Variants in MROH1 observed in about 807,000 individuals in gnomAD.
The protein encoded by MROH1 is maestro heat like repeat family member 1.
In MROH1, 117 loss-of-function variants were observed where a neutral mutation model predicts 116.5. That is an observed-to-expected ratio of 1.00 (90% CI 0.86 to 1.17). The LOEUF is 1.17. Ranked by LOEUF, MROH1 falls within the 50% of genes most tolerant of loss-of-function variation. The probability of loss-of-function intolerance (pLI) is 0.00; values close to 1 mark genes in which losing one functional copy is unlikely to be tolerated. For missense variants in MROH1, 1,873 were observed against 1,338.5 expected, an observed-to-expected ratio of 1.40 and a Z score of -6.23; for synonymous variants, 921 against 583.9, an observed-to-expected ratio of 1.58 and a Z score of -8.32.
intron 2 of MROH1, 42 bp downstream of exon 2, chr8:144,161,131 C>T (rs1156332911): frequency 6.6e-6 from 1 of 152,562 alleles, no homozygotes; most frequent in Non-Finnish European, 1.5e-5. Flanking sequence ...CCCCGCTCTT[C>T]TGTCTCTTCT....
Position 144,260,940 on chromosome 8 carries a change from A to G in MROH1, c.4570A>G (p.Asn1524Asp). The change falls in exon 41 of 44, where the codon AAT becomes GAT. Residue 1524 changes from asparagine to aspartate, a missense_variant. Asn to Asp is a conservative substitution (Grantham distance 23, BLOSUM62 1). Transcript: ENST00000326134. ...GTTTGCCCTGCGCATGTGTGGCCCCAATCTGGCATGTGAGGAGCTCTCAGC... is the reference window on the plus strand; with the variant it reads ...GTTTGCCCTGCGCATGTGTGGCCCCGATCTGGCATGTGAGGAGCTCTCAGC... ...CRFALRMCGP[N>D]LACEELSAAF... 1.3e-6 allele frequency: 1 copy of G among 777,708 alleles called. No individual in the cohort carries two copies. The highest frequency in any genetic ancestry group is 2.4e-6 in the Non-Finnish European group (1 of 417,750). The allele number at this position is 777,708 out of a possible 1,614,324, so 48.2% of individuals were successfully genotyped here. A position where few individuals can be genotyped will look rare whatever the true frequency, so the allele number is the denominator to read the frequency against.
chr8:144,212,069 G>GTCGTTTTT (rs1554813777), intron 12 of MROH1, among the ~76,000 whole-genome samples: 2 of 47,780 alleles, frequency 4.2e-5, no homozygotes, highest in Non-Finnish European at 8.3e-5. Context: ...GAGAAGCTGT[G>GTCGTTTTT]TTGTTTTTTT....
chr8:144,192,323 C>T lies in MROH1; in HGVS notation c.870C>T (p.Ile290=). The T allele has an allele frequency of 1.3e-6, 2 of 1,596,090 alleles. No homozygotes were observed. The highest frequency in any genetic ancestry group is 1.7e-6 in the Non-Finnish European group (2 of 1,173,988). Residue 290 remains isoleucine (I), a synonymous_variant, in exon 10 of 44, where the codon ATC becomes ATT. Coordinates refer to ENST00000326134, the MANE Select transcript of MROH1 (RefSeq NM_032450.3). The stretch of plus-strand genomic sequence containing the variant: ...ACCCGGAGCAGAGCCTGGGCCAGAT[C>T]CTCGAGGCAGCTGTGAGTGTGGGCA... The part of the protein sequence containing the change: ...TFYLSKSLGQ[I]LEAAVSVGSR...
intron 7 of MROH1, 151 bp from the exon 8 acceptor site, chr8:144,190,633 T>G: frequency 1.2e-6 from 1 of 867,828 alleles, no homozygotes; most frequent in Non-Finnish European, 1.8e-6. Flanking sequence ...TTTCATCCTG[T>G]GTAGTCCTGG....
intron 7 of MROH1, among the ~76,000 whole-genome samples, chr8:144,184,502 C>G (rs755578335): frequency 3.0e-4 from 45 of 152,088 alleles, no homozygotes; most frequent in Non-Finnish European, 1.5e-4. Flanking sequence ...GGTAAAGAGG[C>G]GAAAGGGAGA....
intron 12 of MROH1, among the ~76,000 whole-genome samples, chr8:144,208,870 T>A (rs1213339970): frequency 6.6e-6 from 1 of 152,014 alleles, no homozygotes; most frequent in African/African-American, 2.4e-5. Context: ...ATTACAGGCA[T>A]GCACCACCAC....
chr8:144,168,566 C>CT, intron 4 of MROH1, 126 bp downstream of exon 4: 7 of 1,126,274 alleles, frequency 6.2e-6, no homozygotes, highest in Non-Finnish European at 2.5e-6. Flanking sequence ...GGCCACATGT[C>CT]TAACCCCCTC....
intron 4 of MROH1, among the ~76,000 whole-genome samples, chr8:144,177,373 G>T (rs1824272568): frequency 6.6e-6 from 1 of 152,256 alleles, no homozygotes; most frequent in African/African-American, 2.4e-5. Context: ...TCAAGTGGCT[G>T]GGTGTCAACT....
chr8:144,251,479 C>CA (rs1842835721), intron 33 of MROH1: 1 of 152,234 alleles, frequency 6.6e-6, no homozygotes, highest in Admixed American at 6.5e-5. Context: ...TTTCTCCACT[C>CA]AGTTTGTAAT....
In MROH1 at chr8:144,259,260, G is replaced by C; in HGVS notation, c.3950G>C (p.Gly1317Ala). The change falls in exon 37 of 44, where the codon GGG (glycine) becomes GCG (alanine). Residue 1317 changes from glycine (G) to alanine (A), a missense_variant. Gly to Ala is a moderately conservative substitution (Grantham distance 60). Transcript: ENST00000326134. ...CCCAGGGCCATGGCTGAGCACGCAG[G>C]GCCCCGACTCCCCCTGGTGCTGAAG... Reference protein sequence around the residue: ...RLARAMAEHAGPRLPLVLKTL... With the variant: ...RLARAMAEHAAPRLPLVLKTL... The C allele has an allele frequency of 1.4e-6, 1 of 714,432 alleles. No individual in the cohort carries two copies. Among genetic ancestry groups the C allele is most frequent in the Non-Finnish European group, 2.6e-6 (1 of 384,860 alleles). 44.3% of individuals were successfully genotyped at this position (714,432 alleles called of 1,614,324 possible).
chr8:144,202,313 A>G (rs1279253466), intron 12 of MROH1, among the ~76,000 whole-genome samples: 1 of 125,996 alleles, frequency 7.9e-6, no homozygotes, highest in African/African-American at 3.1e-5. Flanking sequence ...GAAGGCAGCG[A>G]CCCGCTCTGT....
At chr8:144,221,265 T>TC (rs1836680227) in intron 13 of MROH1, among the ~76,000 whole-genome samples, 2 of 152,150 alleles carry the variant, frequency 1.3e-5, no homozygotes, top group Admixed American at 1.3e-4. Context: ...GCCCGTAGCC[T>TC]CCACCTGTCA....
At position 144,255,713 on chromosome 8, in the gene MROH1, G is replaced by A; in HGVS notation, c.3791+8G>A. 1 of 748,444 alleles carries A rather than the reference G, an allele frequency of 1.3e-6. No homozygotes were observed. The highest frequency in any genetic ancestry group is 2.5e-6 in the Non-Finnish European group (1 of 402,556). 46.4% of individuals were successfully genotyped at this position (748,444 alleles called of 1,614,324 possible). A position where few individuals can be genotyped will look rare whatever the true frequency, so the allele number is the denominator to read the frequency against. ...GAACCTGGAACCCTGCAGGTATCTG[G>A]GTCCCCACTTCCCACCTCCAGTACT... On this transcript the variant is annotated splice_region_variant and intron_variant, in intron 35 of 43. Coordinates refer to ENST00000326134, the MANE Select transcript of MROH1 (RefSeq NM_032450.3).
chr8:144,215,233 A>G (rs895533080), intron 12 of MROH1, among the ~76,000 whole-genome samples: 1 of 152,262 alleles, frequency 6.6e-6, no homozygotes, highest in Non-Finnish European at 1.5e-5. Flanking sequence ...ATACAGGTTG[A>G]TTGTCTGTAA....
chr8:144,261,795 C>G lies in MROH1; in HGVS notation c.*55C>G, dbSNP rs1845135682. ...ATGCACCCAGACCTGTGCCTGAGCT[C>G]CAAGACAGGGCCTCCTGAGGACCAC... is the stretch of plus-strand genomic sequence containing the variant. On this transcript the variant is annotated 3_prime_UTR_variant, in exon 44 of 44. Transcript: ENST00000326134. The G allele has an allele frequency of 7.1e-6, 5 of 699,926 alleles. No individual in the cohort carries two copies. In the African/African-American group the frequency reaches 8.7e-5, roughly 12 times the overall value. The allele number at this position is 699,926 out of a possible 1,614,324, so 43.4% of individuals were successfully genotyped here.
chr8:144,228,110 C>T (rs567178540), intron 14 of MROH1, among the ~76,000 whole-genome samples: 243 of 151,968 alleles, frequency 1.6e-3, no homozygotes, highest in African/African-American at 5.6e-3. Flanking sequence ...TGGCATATGC[C>T]GGTGGTCCCA....
chr8:144,226,998 A>C (rs1157852066), intron 14 of MROH1, among the ~76,000 whole-genome samples: 7 of 152,156 alleles, frequency 4.6e-5, no homozygotes. Flanking sequence ...ATTTTGTTAG[A>C]TTTGTAAAAG....
At chr8:144,211,451 C>T (rs1834074009) in intron 12 of MROH1, among the ~76,000 whole-genome samples, 1 of 152,102 alleles carries the variant, frequency 6.6e-6, no homozygotes, top group African/African-American at 2.4e-5. Flanking sequence ...GTTGGCCGGG[C>T]ACAGTGGCTC....
intron 19 of MROH1, among the ~76,000 whole-genome samples, chr8:144,240,360 C>A (rs1025384808): frequency 1.2e-4 from 19 of 152,314 alleles, no homozygotes; most frequent in African/African-American, 4.6e-4. Flanking sequence ...CTAGCAGTCG[C>A]AGCCCCAAGC....
Sources: gnomAD v4.1 joint callset for allele counts (sites outside exome capture counted in the v4.1 genomes callset) on GRCh38, gnomAD v4.1.1 for gene constraint, MANE v1.5 for transcripts, NCBI Gene and HGNC (gene_info 2026-07-23, HGNC 2026-07-21) for gene names.